The following RADIL variants were observed in gnomAD, a reference collection of about 807,000 sequenced individuals.
RADIL encodes the protein ras-associating and dilute domain-containing protein.
A neutral mutation model predicts 97.6 loss-of-function variants in RADIL; 99 were observed. That is an observed-to-expected ratio of 1.01 (90% CI 0.86 to 1.20). The LOEUF (loss-of-function observed/expected upper bound fraction) is 1.20. Ranked by LOEUF, RADIL falls within the 50% of genes most tolerant of loss-of-function variation. The pLI is 0.00. For synonymous variants in RADIL, 803 were observed against 691.8 expected (o/e 1.16, Z -2.52); for missense variants, 1,765 against 1,498.9 (o/e 1.18, Z -2.93).
rs1782095290 is a variant in RADIL, at chr7:4,801,810, C to CG, written c.2684dup (p.His896AlafsTer18). The CG allele has an allele frequency of 1.9e-6, 3 of 1,601,000 alleles. No homozygotes were observed. The highest frequency in any genetic ancestry group is 1.7e-6 in the Non-Finnish European group (2 of 1,174,174). On this transcript the variant is annotated frameshift_variant, in exon 12 of 15. Transcript: ENST00000399583. LOFTEE classifies it high-confidence loss of function. ...TGAGCAAGCAGGACGAGTCCGTGTG[C>CG]GGGGGGCCAGCCTGGGAGCCCCCAC...
At chr7:4,859,839 G>A (rs200374756) in intron 2 of RADIL, 28 of 1,095,122 alleles carry the variant, frequency 2.6e-5, no homozygotes, top group Non-Finnish European at 3.6e-5. Context: ...CTCCTCTTCC[G>A]TTTTGGTTTT....
intron 4 of RADIL, 74 bp from the exon 5 acceptor site, chr7:4,832,252 A>C (rs1583291401): frequency 1.4e-6 from 2 of 1,431,278 alleles, no homozygotes; most frequent in African/African-American, 1.4e-5. Flanking sequence ...AATACACGAT[A>C]CCATCGACAG....
At position 4,877,903 on chromosome 7, in the gene RADIL, C is replaced by T. The variant is rs1293247951; in HGVS notation, c.237G>A (p.Lys79=). ...GDSVCTGTHY[K]SVLATGTSSA... ...TGGAGGTGCCGGTGGCCAGGACGCT[C>T]TTGTAGTGGGTTCCTGTGCAGACAC... Residue 79 remains lysine, a synonymous_variant, in exon 2 of 15, where the codon AAG becomes AAA. Coordinates refer to ENST00000399583, the MANE Select transcript of RADIL (RefSeq NM_018059.5). 1 of 1,606,050 alleles carries T rather than the reference C, an allele frequency of 6.2e-7. No individual in the cohort carries two copies. The highest frequency in any genetic ancestry group is 1.7e-5 in the Admixed American group (1 of 60,016).
intron 2 of RADIL, chr7:4,861,520 C>A: frequency 6.2e-7 from 1 of 1,614,060 alleles, no homozygotes; most frequent in African/African-American, 1.3e-5. Context: ...ACGTAAAAAT[C>A]TTTCCTCCAA....
intron 2 of RADIL, among the ~76,000 whole-genome samples, chr7:4,850,220 A>AAAAAAAAC (rs1341319952): frequency 6.7e-6 from 1 of 148,368 alleles, no homozygotes; most frequent in Admixed American, 6.6e-5. Flanking sequence ...TCCCTTTAAA[A>AAAAAAAAC]AAAAAAAAAA....
Position 4,824,915 on chromosome 7 carries a change from C to T in RADIL, c.1455-2361G>A, listed in dbSNP as rs1365547895. On this transcript the variant is annotated intron_variant, in intron 5 of 14. Transcript: ENST00000399583. This position sits in a 1 kb window ranked among gnomAD's most constrained non-coding sequence, Gnocchi z 6.7. ...GGGTAGACAGGCCTGTCCCAGGAAACAAGTGACCAGGCTTTGCAACTGGAG... is the reference window on the plus strand; with the variant it reads ...GGGTAGACAGGCCTGTCCCAGGAAATAAGTGACCAGGCTTTGCAACTGGAG... Among the ~76,000 whole-genome samples the T allele has an allele frequency of 6.6e-6, 1 of 152,306 alleles. No homozygotes were observed. Among genetic ancestry groups the T allele is most frequent in the South Asian group, 2.1e-4 (1 of 4,826 alleles).
At chr7:4,832,507 G>T (rs1783173767) in intron 4 of RADIL, among the ~76,000 whole-genome samples, 1 of 152,144 alleles carries the variant, frequency 6.6e-6, no homozygotes, top group Non-Finnish European at 1.5e-5. Context: ...GGGAGGCTGA[G>T]GCAGGCAGAT....
intron 9 of RADIL, chr7:4,809,328 G>C (rs1383011571): frequency 1.0e-6 from 1 of 985,234 alleles, no homozygotes; most frequent in African/African-American, 1.7e-5. Context: ...TCCCTAGCCA[G>C]GAGAAGTCCT....
At chr7:4,881,414 C>CA (rs58871429) in intron 1 of RADIL, among the ~76,000 whole-genome samples, 2,809 of 82,082 alleles carry the variant, frequency 0.034, 119 homozygotes, top group East Asian at 0.22. Flanking sequence ...GACTCCCTCT[C>CA]AAAAAAAAAA....
At chr7:4,868,630 G>A (rs549760694) in intron 2 of RADIL, among the ~76,000 whole-genome samples, 10 of 152,246 alleles carry the variant, frequency 6.6e-5, no homozygotes, top group South Asian at 4.2e-4. Flanking sequence ...ATGTTTTGCC[G>A]TTTTCTTGCT....
In RADIL at chr7:4,879,805, C is replaced by T. The variant is rs1784447807; in HGVS notation, c.-64-1602G>A. Among the ~76,000 whole-genome samples, 1 of 152,188 alleles carries T rather than the reference C, an allele frequency of 6.6e-6. No homozygotes were observed. Among genetic ancestry groups the T allele is most frequent in the Non-Finnish European group, 1.5e-5 (1 of 68,042 alleles). Reference sequence around the variant, plus strand: ...CTCCAAAGCTGACACTGCGAACTGGCCTCTTTCTAATATCACCGGGGCGTG... The same window carrying T: ...CTCCAAAGCTGACACTGCGAACTGGTCTCTTTCTAATATCACCGGGGCGTG... On this transcript the variant is annotated intron_variant, in intron 1 of 14. Coordinates refer to ENST00000399583, the MANE Select transcript of RADIL (RefSeq NM_018059.5). This position sits in a 1 kb window ranked among gnomAD's most constrained non-coding sequence, Gnocchi z 4.1.
At chr7:4,882,862 G>A (rs1009209645) in intron 1 of RADIL, among the ~76,000 whole-genome samples, 1 of 152,248 alleles carries the variant, frequency 6.6e-6, no homozygotes, top group African/African-American at 2.4e-5. Flanking sequence ...CGAGCAATCA[G>A]ATTCTTCTGT....
chr7:4,861,788 G>A, intron 2 of RADIL: 1 of 1,463,862 alleles, frequency 6.8e-7, no homozygotes, highest in East Asian at 2.4e-5. Context: ...TGGTCCCTGG[G>A]TTGTCACCGG....
chr7:4,855,497 G>A (rs948247668), intron 2 of RADIL, among the ~76,000 whole-genome samples: 1 of 151,922 alleles, frequency 6.6e-6, no homozygotes, highest in Non-Finnish European at 1.5e-5. Flanking sequence ...TGCTAGATAA[G>A]ACCAAGCTGC....
intron 1 of RADIL, chr7:4,882,252 TGGACTCGTTTTTTAA>T (rs1784502907): frequency 6.6e-6 from 1 of 152,260 alleles, no homozygotes; most frequent in Admixed American, 6.5e-5. Flanking sequence ...GAGAATGGGA[TGGACTCGTTTTTTAA>T]AAGGCCAAGG....
chr7:4,816,114 G>A (rs2115187709), intron 8 of RADIL, 114 bp downstream of exon 8: 2 of 943,952 alleles, frequency 2.1e-6, no homozygotes, highest in East Asian at 4.8e-5. Context: ...CGCTCAGGGA[G>A]CAGGAGGCCA....
At chr7:4,845,741 A>C (rs1338862941) in intron 2 of RADIL, among the ~76,000 whole-genome samples, 1 of 152,182 alleles carries the variant, frequency 6.6e-6, no homozygotes, top group Non-Finnish European at 1.5e-5. Flanking sequence ...TTAGAGTCTT[A>C]CTCAGGGAAC....
Position 4,839,563 on chromosome 7 carries a change from G to A in RADIL, c.536-2958C>T, listed in dbSNP as rs79513180. ...ATAGGATTTAGTATAGTGCCAGTAT[G>A]TAACAGAATATATGTTATATATAAT... On this transcript the variant is annotated intron_variant, in intron 2 of 14. Coordinates refer to ENST00000399583, the MANE Select transcript of RADIL (RefSeq NM_018059.5). 9.7e-3 allele frequency among the ~76,000 whole-genome samples: 1,482 copies of A among 152,118 alleles called. 31 individuals carry two copies. The highest frequency in any genetic ancestry group is 0.034 in the African/African-American group (1,413 of 41,492).
At chr7:4,809,231 G>C in intron 9 of RADIL, 1 of 985,312 alleles carries the variant, frequency 1.0e-6, no homozygotes, top group Non-Finnish European at 1.2e-6. Flanking sequence ...ATCTCCCGCA[G>C]GGGCGCTCGG....
Sources: allele counts gnomAD v4.1 joint callset (sites outside exome capture counted in the v4.1 genomes callset), GRCh38; gene constraint gnomAD v4.1.1; non-coding constraint Gnocchi (gnomAD v3.1); transcripts MANE v1.5; gene names NCBI Gene and HGNC (gene_info 2026-07-23, HGNC 2026-07-21).